The following CCDC85C variants were observed in gnomAD, a reference collection of about 807,000 sequenced individuals.
The protein encoded by CCDC85C is coiled-coil domain-containing protein 85C.
A neutral mutation model predicts 38.3 loss-of-function variants in CCDC85C; 18 were observed. The observed-to-expected ratio is 0.47, with a 90% CI of 0.33 to 0.70. The LOEUF (loss-of-function observed/expected upper bound fraction) is 0.70. Ranked by LOEUF, CCDC85C falls within the 30% of genes least tolerant of loss-of-function variation. The pLI is 0.03. For missense variants in CCDC85C, 566 were observed against 621.2 expected, an observed-to-expected ratio of 0.91 and a Z score of 0.94; for synonymous variants, 264 against 293.8, an observed-to-expected ratio of 0.90 and a Z score of 1.04.
chr14:99,524,606 A>G (rs1897349094), intron 2 of CCDC85C, among the ~76,000 whole-genome samples: 1 of 152,254 alleles, frequency 6.6e-6, no homozygotes, highest in Non-Finnish European at 1.5e-5. Context: ...ACAATCTCTC[A>G]TTAAGGGGCA....
intron 1 of CCDC85C, among the ~76,000 whole-genome samples, chr14:99,590,072 C>T (rs1035634924): frequency 6.6e-6 from 1 of 152,236 alleles, no homozygotes; most frequent in African/African-American, 2.4e-5. Flanking sequence ...ATGTTGCCCA[C>T]ACCAGACCAG....
intron 1 of CCDC85C, among the ~76,000 whole-genome samples, chr14:99,584,773 C>T (rs923299616): frequency 2.0e-5 from 3 of 152,190 alleles, no homozygotes; most frequent in South Asian, 4.1e-4. Context: ...GCCCACAGAG[C>T]GGGGGAAAAA....
chr14:99,552,219 A>G (rs1188152100), intron 1 of CCDC85C, among the ~76,000 whole-genome samples: 1 of 152,162 alleles, frequency 6.6e-6, no homozygotes, highest in Admixed American at 6.5e-5. Context: ...CCCCTGCACC[A>G]CTGGGGAGGA....
At chr14:99,550,064 G>A (rs1418702320) in intron 1 of CCDC85C, among the ~76,000 whole-genome samples, 1 of 152,160 alleles carries the variant, frequency 6.6e-6, no homozygotes, top group Non-Finnish European at 1.5e-5. Flanking sequence ...CAACACAAGG[G>A]CCTTGTTCTG....
intron 1 of CCDC85C, among the ~76,000 whole-genome samples, chr14:99,559,195 A>G (rs1449683933): frequency 7.2e-6 from 1 of 138,810 alleles, no homozygotes; most frequent in African/African-American, 2.8e-5. Flanking sequence ...CAGCAATGCG[A>G]GAGCAGCCGA....
Position 99,535,667 on chromosome 14 carries a change from G to A in CCDC85C, c.867+348C>T, listed in dbSNP as rs1053549569. Among the ~76,000 whole-genome samples the A allele has an allele frequency of 6.6e-6, 1 of 151,972 alleles. No individual in the cohort carries two copies. The highest frequency in any genetic ancestry group is 1.9e-4 in the East Asian group (1 of 5,176). On this transcript the variant is annotated intron_variant, in intron 2 of 5. Transcript: ENST00000380243. This position sits in a 1 kb window ranked among gnomAD's most constrained non-coding sequence, Gnocchi z 5.5. ...GAGTCCAGCACGGCAGAGGCGGGGAGGCTTCCGTGTGAGTCTGCCCCATCT... is the reference window on the plus strand; with the variant it reads ...GAGTCCAGCACGGCAGAGGCGGGGAAGCTTCCGTGTGAGTCTGCCCCATCT...
intron 1 of CCDC85C, among the ~76,000 whole-genome samples, chr14:99,573,867 G>A (rs547779893): frequency 3.9e-5 from 6 of 152,262 alleles, no homozygotes; most frequent in East Asian, 3.9e-4. Context: ...CTTCTGGGCC[G>A]CCGAGCACTC....
chr14:99,515,195 T>G lies in CCDC85C; in HGVS notation c.*51A>C. The G allele has an allele frequency of 7.1e-7, 1 of 1,399,504 alleles. No individual in the cohort carries two copies. The highest frequency in any genetic ancestry group is 2.5e-5 in the East Asian group (1 of 39,980). 86.7% of individuals were successfully genotyped at this position (1,399,504 alleles called of 1,614,324 possible). A position where few individuals can be genotyped will look rare whatever the true frequency, so the allele number is the denominator to read the frequency against. On this transcript the variant is annotated 3_prime_UTR_variant, in exon 6 of 6. Coordinates refer to ENST00000380243, the MANE Select transcript of CCDC85C (RefSeq NM_001144995.2). Reference sequence around the variant, plus strand: ...CCTGCCCGTGTCTGGGGCCTGAAACTCCCCCTGGGGACCCCCAGCAGGGCC... The same window carrying G: ...CCTGCCCGTGTCTGGGGCCTGAAACGCCCCCTGGGGACCCCCAGCAGGGCC...
chr14:99,511,169 T>TC lies in CCDC85C; in HGVS notation c.*4076dup, dbSNP rs1897121711. 6.3e-6 allele frequency: 1 copy of TC among 158,780 alleles called. No individual in the cohort carries two copies. Among genetic ancestry groups the TC allele is most frequent in the Non-Finnish European group, 1.4e-5 (1 of 72,548 alleles). The allele number at this position is 158,780 out of a possible 1,614,324, so 9.8% of individuals were successfully genotyped here. A position where few individuals can be genotyped will look rare whatever the true frequency, so the allele number is the denominator to read the frequency against. ...TTCCTGGAAACTCAATTTTAAATAGTCCAATTCCATCTGAAGCCAAGCTGT... is the reference window on the plus strand; with the variant it reads ...TTCCTGGAAACTCAATTTTAAATAGTCCCAATTCCATCTGAAGCCAAGCTGT... On this transcript the variant is annotated 3_prime_UTR_variant, in exon 6 of 6. Coordinates refer to ENST00000380243, the MANE Select transcript of CCDC85C (RefSeq NM_001144995.2).
At chr14:99,586,637 G>A (rs764710997) in intron 1 of CCDC85C, among the ~76,000 whole-genome samples, 7 of 152,286 alleles carry the variant, frequency 4.6e-5, no homozygotes, top group African/African-American at 1.7e-4. Flanking sequence ...TGATAAACGC[G>A]TCCATTTTTA....
At chr14:99,556,910 G>GAAA (rs34139658) in intron 1 of CCDC85C, among the ~76,000 whole-genome samples, 3 of 145,876 alleles carry the variant, frequency 2.1e-5, no homozygotes, top group Non-Finnish European at 4.5e-5. Flanking sequence ...AAATACTTCA[G>GAAA]AAAAAAAAAA....
rs966604104 is a variant in CCDC85C, at chr14:99,501,422, G to A, written c.*13824C>T. The stretch of plus-strand genomic sequence containing the variant: ...ACATTTGTAAATGACAGGTATACAT[G>A]TTCAAATGTTGATTAATTACAGTAT... On this transcript the variant is annotated 3_prime_UTR_variant, in exon 6 of 6. Transcript: ENST00000380243. 6.4e-7 allele frequency: 1 copy of A among 1,559,062 alleles called. No homozygotes were observed. The highest frequency in any genetic ancestry group is 1.1e-5 in the South Asian group (1 of 89,528).
At position 99,503,149 on chromosome 14, in the gene CCDC85C, G is replaced by T; in HGVS notation, c.*12097C>A. 1.2e-6 allele frequency: 1 copy of T among 810,966 alleles called. No homozygotes were observed. Among genetic ancestry groups the T allele is most frequent in the Non-Finnish European group, 2.1e-6 (1 of 481,134 alleles). 50.2% of individuals were successfully genotyped at this position (810,966 alleles called of 1,614,324 possible). A position where few individuals can be genotyped will look rare whatever the true frequency, so the allele number is the denominator to read the frequency against. On this transcript the variant is annotated 3_prime_UTR_variant, in exon 6 of 6. Transcript: ENST00000380243. ...GTCGGTGGGGAGCCTGAAAACAAAG[G>T]TGCTCCAAGGACAGGCTGCCTCTGA...
intron 1 of CCDC85C, among the ~76,000 whole-genome samples, chr14:99,598,598 G>C (rs1438809424): frequency 2.6e-5 from 4 of 152,210 alleles, no homozygotes; most frequent in Non-Finnish European, 4.4e-5. Flanking sequence ...GGCATCCTGG[G>C]AGGAGGTGCC....
chr14:99,603,801 C>T lies in CCDC85C; in HGVS notation c.159G>A (p.Met53Ile), dbSNP rs2055239037. Residue 53 changes from methionine to isoleucine, a missense_variant, in exon 1 of 6, where the codon ATG (methionine) becomes ATA (isoleucine). Physicochemically the swap from Met to Ile is conservative, Grantham distance 10. Transcript: ENST00000380243. The surrounding 1 kb of genome is among the most constrained non-coding windows in gnomAD (Gnocchi z 7.5). ...VGLMLEHGGL[M>I]RDVNRRLQQH... ...GCTGCAGCCGCCGGTTCACGTCGCGCATCAGGCCGCCGTGCTCCAGCATGA... is the reference window on the plus strand; with the variant it reads ...GCTGCAGCCGCCGGTTCACGTCGCGTATCAGGCCGCCGTGCTCCAGCATGA... 1.3e-6 allele frequency: 2 copies of T among 1,525,206 alleles called. No individual in the cohort carries two copies. The highest frequency in any genetic ancestry group is 1.4e-5 in the African/African-American group (1 of 71,546). 94.5% of individuals were successfully genotyped at this position (1,525,206 alleles called of 1,614,324 possible).
intron 3 of CCDC85C, among the ~76,000 whole-genome samples, chr14:99,517,635 C>T (rs752600871): frequency 2.6e-5 from 4 of 152,320 alleles, no homozygotes; most frequent in Non-Finnish European, 5.9e-5. Context: ...TGGGCGAGGC[C>T]GGCTTCGCCC....
intron 1 of CCDC85C, among the ~76,000 whole-genome samples, chr14:99,577,114 A>T (rs1249290597): frequency 6.6e-6 from 1 of 151,666 alleles, no homozygotes; most frequent in Non-Finnish European, 1.5e-5. Flanking sequence ...CCAGAAAACA[A>T]CATCCCTGGG....
rs1478063325 is a variant in CCDC85C at position 99,572,081 on chromosome 14, C to G, written c.793+31086G>C. On this transcript the variant is annotated intron_variant, in intron 1 of 5. Coordinates refer to ENST00000380243, the MANE Select transcript of CCDC85C (RefSeq NM_001144995.2). This position sits in a 1 kb window ranked among gnomAD's most constrained non-coding sequence, Gnocchi z 4.4. ...ATCCCCAGAGCCCCCAACCCTAACCCAGCACCCGCAAGTCTCTGGAAGGCA... is the reference window on the plus strand; with the variant it reads ...ATCCCCAGAGCCCCCAACCCTAACCGAGCACCCGCAAGTCTCTGGAAGGCA... 6.6e-6 allele frequency among the ~76,000 whole-genome samples: 1 copy of G among 152,198 alleles called. No individual in the cohort carries two copies. Among genetic ancestry groups the G allele is most frequent in the East Asian group, 1.9e-4 (1 of 5,188 alleles).
chr14:99,526,066 CTG>C (rs1413170560), intron 2 of CCDC85C, among the ~76,000 whole-genome samples: 1 of 152,224 alleles, frequency 6.6e-6, no homozygotes, highest in Non-Finnish European at 1.5e-5. Context: ...ATGCCAATGA[CTG>C]TGTCTGACTT....
Sources: allele counts gnomAD v4.1 joint callset (sites outside exome capture counted in the v4.1 genomes callset), GRCh38; gene constraint gnomAD v4.1.1; non-coding constraint Gnocchi (gnomAD v3.1); transcripts MANE v1.5; gene names NCBI Gene and HGNC (gene_info 2026-07-23, HGNC 2026-07-21).